Variants in CA5B observed in about 807,000 individuals in gnomAD.
CA5B encodes carbonic anhydrase 5B, mitochondrial.
In CA5B, 15 loss-of-function variants were observed where a neutral mutation model predicts 23.1. The ratio of observed to expected loss-of-function variants is 0.65; its 90% CI spans 0.43 to 1.00. The LOEUF is 1.00. Ranked by LOEUF, CA5B falls within the 50% of genes least tolerant of loss-of-function variation. The pLI, the probability that CA5B is intolerant of heterozygous loss-of-function variation, is 0.00. For synonymous variants in CA5B, 84 were observed against 98.5 expected (o/e 0.85, Z 0.87); for missense variants, 236 against 252.2 (o/e 0.94, Z 0.43).
chrX:15,748,724 C>T (rs1931292297), intron 1 of CA5B, among the ~76,000 whole-genome samples: 2 of 94,058 alleles, frequency 2.1e-5, no homozygotes, highest in African/African-American at 7.9e-5. Context: ...CCCCCCGCCC[C>T]CGCCAACCCC....
At chrX:15,777,441 T>G (rs1270746047) in intron 7 of CA5B, among the ~76,000 whole-genome samples, 1 of 111,904 alleles carries the variant, frequency 8.9e-6, no homozygotes, top group Non-Finnish European at 1.9e-5. Flanking sequence ...ATGGGATTTT[T>G]ATTGATTATA....
At chrX:15,775,079 A>G (rs996146801) in intron 5 of CA5B, among the ~76,000 whole-genome samples, 167 bp from the exon 6 acceptor site, 2 of 113,013 alleles carry the variant, frequency 1.8e-5, no homozygotes, top group African/African-American at 3.2e-5. Flanking sequence ...CTCTAATTTA[A>G]TTCAGTAATG....
In CA5B at chrX:15,772,521, C is replaced by CA. The variant is rs1250457442; in HGVS notation, c.368dup (p.Asn123LysfsTer20). On this transcript the variant is annotated frameshift_variant, in exon 4 of 8. Coordinates refer to ENST00000318636, the MANE Select transcript of CA5B (RefSeq NM_007220.4). LOFTEE classifies it high-confidence loss of function. Reference sequence around the variant, plus strand: ...TGATCAAGGGAGGACCCCTGGAACACAACTACCGATTGAAGCAGTTCCATT... The same window carrying CA: ...TGATCAAGGGAGGACCCCTGGAACACAAACTACCGATTGAAGCAGTTCCATT... 8.3e-7 allele frequency: 1 copy of CA among 1,206,322 alleles called. No individual in the cohort carries two copies. Among genetic ancestry groups the CA allele is most frequent in the Admixed American group, 2.2e-5 (1 of 45,921 alleles).
intron 1 of CA5B, among the ~76,000 whole-genome samples, chrX:15,741,772 G>A (rs1931128314): frequency 1.8e-5 from 2 of 111,301 alleles, no homozygotes; most frequent in Admixed American, 9.6e-5. Context: ...CACTGTGCCC[G>A]GCCTAACAAA....
rs1332145266 is a variant in CA5B, at chrX:15,772,574, G to T, written c.419G>T (p.Gly140Val). Residue 140 changes from glycine to valine, a missense_variant, in exon 4 of 8, where the codon GGT (glycine) becomes GTT (valine). Physicochemically the swap from Gly to Val is moderately radical, Grantham distance 109. Transcript: ENST00000318636. ...CACTGGGGGGCCATCGATGCCTGGGGTTCTGAGCACACCGTGGACAGCAAA... is the reference window on the plus strand; with the variant it reads ...CACTGGGGGGCCATCGATGCCTGGGTTTCTGAGCACACCGTGGACAGCAAA... ...HFHWGAIDAWGSEHTVDSKCF... is the reference protein window; with the variant it reads ...HFHWGAIDAWVSEHTVDSKCF... 2.5e-6 allele frequency: 3 copies of T among 1,205,851 alleles called. No individual in the cohort carries two copies. Among genetic ancestry groups the T allele is most frequent in the South Asian group, 1.8e-5 (1 of 56,600 alleles).
At chrX:15,778,157 C>G (rs1247743902) in intron 7 of CA5B, among the ~76,000 whole-genome samples, 1 of 111,508 alleles carries the variant, frequency 9.0e-6, no homozygotes, top group Non-Finnish European at 1.9e-5. Context: ...ATAATTTTAA[C>G]AAGGAAAGCT....
At chrX:15,761,376 A>G (rs180849429) in intron 2 of CA5B, among the ~76,000 whole-genome samples, 1 of 112,158 alleles carries the variant, frequency 8.9e-6, no homozygotes, top group Non-Finnish European at 1.9e-5. Flanking sequence ...AAGGAGGAAG[A>G]TGTGGCTCCT....
At chrX:15,752,740 C>G (rs956690201) in intron 2 of CA5B, among the ~76,000 whole-genome samples, 3 of 108,941 alleles carry the variant, frequency 2.8e-5, no homozygotes, top group Middle Eastern at 4.7e-3. Context: ...AAAAAAAAAT[C>G]TCTGTTAACA....
chrX:15,746,425 C>G (rs997228994), intron 1 of CA5B, among the ~76,000 whole-genome samples: 4 of 111,094 alleles, frequency 3.6e-5, no homozygotes, highest in African/African-American at 1.3e-4. Flanking sequence ...TAAGGGTGTA[C>G]TTTAAGCATT....
chrX:15,776,735 T>A lies in CA5B; in HGVS notation c.640T>A (p.Ser214Thr), dbSNP rs765798638. The change falls in exon 7 of 8, where the codon TCA (serine) becomes ACA (threonine). Residue 214 changes from serine to threonine, a missense_variant. Ser to Thr is a moderately conservative substitution (Grantham distance 58). This residue lies in a region of CA5B where 170 missense variants were observed against 162.0 expected (regional missense o/e 1.05). Coordinates refer to ENST00000318636, the MANE Select transcript of CA5B (RefSeq NM_007220.4). The stretch of plus-strand genomic sequence containing the variant: ...CCAGGACGCCCTTGTGGAATTTGGG[T>A]CATTTGACCCTTCCTGCCTGATGCC... ...KHKDALVEFG[S>T]FDPSCLMPTC... 5.0e-6 allele frequency: 6 copies of A among 1,209,706 alleles called. No homozygotes were observed. The highest frequency in any genetic ancestry group is 5.6e-6 in the Non-Finnish European group (5 of 893,823).
At chrX:15,782,017 T>C (rs191070658) in intron 7 of CA5B, among the ~76,000 whole-genome samples, 20 of 112,358 alleles carry the variant, frequency 1.8e-4, no homozygotes, top group Non-Finnish European at 2.8e-4. Context: ...GAGCAATCAA[T>C]AATACTTATT....
At chrX:15,771,013 C>T (rs1931807443) in intron 3 of CA5B, among the ~76,000 whole-genome samples, 1 of 107,072 alleles carries the variant, frequency 9.3e-6, no homozygotes, top group South Asian at 4.3e-4. Context: ...CATGATCCGC[C>T]CGCCTCAGCC....
At chrX:15,741,063 G>GTTTTTC (rs1931109508) in intron 1 of CA5B, among the ~76,000 whole-genome samples, 1 of 109,251 alleles carries the variant, frequency 9.2e-6, no homozygotes, top group South Asian at 4.0e-4. Context: ...ATCTCGTTCT[G>GTTTTTC]TTTTTCTTTT....
intron 1 of CA5B, among the ~76,000 whole-genome samples, chrX:15,740,555 C>A (rs1398183519): frequency 1.8e-5 from 2 of 112,358 alleles, no homozygotes; most frequent in Admixed American, 1.9e-4. Context: ...AAGCTCTGCG[C>A]CTTCCTTGAT....
At chrX:15,756,560 C>G (rs1931490095) in intron 2 of CA5B, among the ~76,000 whole-genome samples, 1 of 112,303 alleles carries the variant, frequency 8.9e-6, no homozygotes, top group African/African-American at 3.2e-5. Context: ...AAGACTTGAA[C>G]TGGAAAAGAT....
At position 15,784,498 on chromosome X, in the gene CA5B, G is replaced by T. The variant is rs1039374158; in HGVS notation, c.*1834G>T. ...ATTCTACATATTCTGAGGAATTCAT[G>T]CTCCTGTGGCTCTTGCTTATAAATA... On this transcript the variant is annotated 3_prime_UTR_variant, in exon 8 of 8. Coordinates refer to ENST00000318636, the MANE Select transcript of CA5B (RefSeq NM_007220.4). 1 of 112,268 alleles carries T rather than the reference G, an allele frequency of 8.9e-6. No homozygotes were observed. The highest frequency in any genetic ancestry group is 1.9e-5 in the Non-Finnish European group (1 of 53,303). 9.3% of individuals were successfully genotyped at this position (112,268 alleles called of 1,213,427 possible). A position where few individuals can be genotyped will look rare whatever the true frequency, so the allele number is the denominator to read the frequency against.
In CA5B at chrX:15,776,763, C is replaced by A; in HGVS notation, c.668C>A (p.Thr223Asn). 1 of 1,208,896 alleles carries A rather than the reference C, an allele frequency of 8.3e-7. No individual in the cohort carries two copies. Among genetic ancestry groups the A allele is most frequent in the Non-Finnish European group, 1.1e-6 (1 of 892,706 alleles). ...GSFDPSCLMP[T>N]CPDYWTYSGS... ...TTTGACCCTTCCTGCCTGATGCCTA[C>A]CTGCCCAGATTACTGGACCTACTCA... The change falls in exon 7 of 8, where the codon ACC becomes AAC. Residue 223 changes from threonine to asparagine, a missense_variant. By Grantham distance (65) the Thr-to-Asn change is moderately conservative. This residue lies in a region of CA5B where 170 missense variants were observed against 162.0 expected (regional missense o/e 1.05). Transcript: ENST00000318636.
intron 1 of CA5B, among the ~76,000 whole-genome samples, chrX:15,740,924 C>T (rs755361517): frequency 3.5e-4 from 39 of 111,085 alleles, no homozygotes; most frequent in Non-Finnish European, 3.0e-4. Flanking sequence ...ATTAGCTGGA[C>T]GTGGTGGTAC....
At chrX:15,760,192 G>T (rs1931575589) in intron 2 of CA5B, among the ~76,000 whole-genome samples, 1 of 111,612 alleles carries the variant, frequency 9.0e-6, no homozygotes, top group South Asian at 3.7e-4. Flanking sequence ...TCTTATTTTT[G>T]AGGTAAAATA....
Sources: gnomAD v4.1 joint callset for allele counts (sites outside exome capture counted in the v4.1 genomes callset) on GRCh38, gnomAD v4.1.1 for gene constraint, gnomAD v4.1.1 regional missense constraint, MANE v1.5 for transcripts, NCBI Gene and HGNC (gene_info 2026-07-23, HGNC 2026-07-21) for gene names.